Variants in ARHGAP24 observed in about 807,000 individuals in gnomAD.
ARHGAP24 encodes the protein rho GTPase-activating protein 24.
A neutral mutation model predicts 76.4 loss-of-function variants in ARHGAP24; 50 were observed. The observed-to-expected ratio is 0.65, with a 90% CI of 0.52 to 0.83. The LOEUF (loss-of-function observed/expected upper bound fraction) is 0.83. ARHGAP24 is among the 40% of genes least tolerant of loss of function. ARHGAP24 has a pLI of 0.00. For synonymous variants in ARHGAP24, 345 were observed against 323.3 expected, an observed-to-expected ratio of 1.07 and a Z score of -0.72; for missense variants, 930 against 914.2, an observed-to-expected ratio of 1.02 and a Z score of -0.22.
intron 2 of ARHGAP24, among the ~76,000 whole-genome samples, chr4:85,666,381 A>G (rs1003077909): frequency 6.6e-6 from 1 of 152,108 alleles, no homozygotes; most frequent in Non-Finnish European, 1.5e-5. Flanking sequence ...TGGTTATTCT[A>G]GTTATACATT....
intron 1 of ARHGAP24, among the ~76,000 whole-genome samples, chr4:85,516,215 C>G (rs72654065): frequency 0.083 from 12,584 of 152,234 alleles, 607 homozygotes; most frequent in Middle Eastern, 0.11. Flanking sequence ...AGGAAGGTCT[C>G]TTATCCAGAT....
chr4:85,885,513 G>C (rs535778877), intron 3 of ARHGAP24, among the ~76,000 whole-genome samples: 1 of 151,972 alleles, frequency 6.6e-6, no homozygotes, highest in Non-Finnish European at 1.5e-5. Context: ...CTTCAAGGTC[G>C]TCTTTTTGAA....
intron 1 of ARHGAP24, among the ~76,000 whole-genome samples, chr4:85,479,458 C>G (rs1017785778): frequency 2.0e-5 from 3 of 152,108 alleles, no homozygotes; most frequent in Admixed American, 2.0e-4. Context: ...GCTGTGAAGA[C>G]TAATAATGAA....
chr4:85,577,972 TA>T (rs1727453977), intron 2 of ARHGAP24, among the ~76,000 whole-genome samples: 1 of 152,208 alleles, frequency 6.6e-6, no homozygotes, highest in South Asian at 2.1e-4. Context: ...GCAAGTTTGT[TA>T]AGAGTCCAGA....
chr4:85,624,175 G>A (rs1720832611), intron 2 of ARHGAP24, among the ~76,000 whole-genome samples: 1 of 152,132 alleles, frequency 6.6e-6, no homozygotes, highest in South Asian at 2.1e-4. Flanking sequence ...CGTTTTCAAA[G>A]GAATGCTTCC....
intron 3 of ARHGAP24, among the ~76,000 whole-genome samples, chr4:85,794,786 A>G (rs1728277941): frequency 6.6e-6 from 1 of 152,132 alleles, no homozygotes; most frequent in Non-Finnish European, 1.5e-5. Context: ...CGACCTGCAA[A>G]TCCTTTTATT....
At chr4:85,692,741 G>A (rs1481359427) in intron 2 of ARHGAP24, among the ~76,000 whole-genome samples, 2 of 152,114 alleles carry the variant, frequency 1.3e-5, no homozygotes, top group African/African-American at 4.8e-5. Flanking sequence ...TTGTTGGATT[G>A]GTTTTCAACT....
intron 2 of ARHGAP24, among the ~76,000 whole-genome samples, chr4:85,605,688 T>C (rs1342329280): frequency 6.6e-6 from 1 of 152,222 alleles, no homozygotes; most frequent in Non-Finnish European, 1.5e-5. Context: ...AAATATATTA[T>C]ACACGTGTAT....
In ARHGAP24 at chr4:85,594,739, C is replaced by T. The variant is rs542888671; in HGVS notation, c.180+24018C>T. Among the ~76,000 whole-genome samples, 20 of 152,030 alleles carry T rather than the reference C, an allele frequency of 1.3e-4. No homozygotes were observed. The South Asian group carries it at 4.2e-3, about 32-fold the overall frequency. On this transcript the variant is annotated intron_variant, in intron 2 of 9. Transcript: ENST00000395184. ...GTGGCACAAGGAGTCTTTTGTAGCCCCATAAAAATCACCTACATTATTTTG... is the reference window on the plus strand; with the variant it reads ...GTGGCACAAGGAGTCTTTTGTAGCCTCATAAAAATCACCTACATTATTTTG...
chr4:85,674,413 T>C (rs2110004292), intron 2 of ARHGAP24, among the ~76,000 whole-genome samples: 1 of 152,356 alleles, frequency 6.6e-6, no homozygotes, highest in South Asian at 2.1e-4. Flanking sequence ...TTATATGAAT[T>C]GTTTTATTAT....
chr4:85,967,521 C>T (rs1738692287), intron 5 of ARHGAP24, among the ~76,000 whole-genome samples: 3 of 152,062 alleles, frequency 2.0e-5, no homozygotes, highest in Admixed American at 2.0e-4. Flanking sequence ...GGAGGAAACA[C>T]GATTCAGACG....
rs774717006 is a variant in ARHGAP24 at position 85,743,392 on chromosome 4, C to CAA, written c.268+21460_268+21461dup. 1.8e-4 allele frequency among the ~76,000 whole-genome samples: 8 copies of CAA among 43,374 alleles called. 2 individuals are homozygous for CAA. The highest frequency in any genetic ancestry group is 6.8e-4 in the African/African-American group (8 of 11,780). 28.5% of individuals were successfully genotyped at this position (43,374 alleles called of 152,430 possible). On this transcript the variant is annotated intron_variant, in intron 3 of 9. Coordinates refer to ENST00000395184, the MANE Select transcript of ARHGAP24 (RefSeq NM_001025616.3). The stretch of plus-strand genomic sequence containing the variant: ...AAGACGCCAAGGCGGGATCCCATCT[C>CAA]AAAAAAAAAAAAAAAAAAAAAAAAA...
intron 2 of ARHGAP24, among the ~76,000 whole-genome samples, chr4:85,696,183 AT>A (rs35838091): frequency 0.97 from 146,455 of 150,974 alleles, 71,198 homozygotes; most frequent in East Asian, 1. Flanking sequence ...CTAAAATTAA[AT>A]TACATATTGA....
intron 3 of ARHGAP24, among the ~76,000 whole-genome samples, chr4:85,898,838 G>A (rs187511116): frequency 2.5e-4 from 38 of 152,072 alleles, no homozygotes; most frequent in East Asian, 3.9e-4. Flanking sequence ...TCCGCCTCCC[G>A]GTTCAAGTGA....
intron 2 of ARHGAP24, among the ~76,000 whole-genome samples, chr4:85,656,891 G>A (rs1275967451): frequency 6.6e-6 from 1 of 152,120 alleles, no homozygotes; most frequent in Non-Finnish European, 1.5e-5. Context: ...TAACAGTGTT[G>A]TTTAACTTCG....
chr4:85,852,157 C>T (rs1731271052), intron 3 of ARHGAP24, among the ~76,000 whole-genome samples: 1 of 152,108 alleles, frequency 6.6e-6, no homozygotes, highest in African/African-American at 2.4e-5. Flanking sequence ...TCATTTTACT[C>T]TTTTTCTCTA....
chr4:85,615,942 CT>C (rs1720526299), intron 2 of ARHGAP24, among the ~76,000 whole-genome samples: 1 of 152,086 alleles, frequency 6.6e-6, no homozygotes, highest in South Asian at 2.1e-4. Flanking sequence ...AGTATTGTGT[CT>C]ATTCTAAGAC....
intron 2 of ARHGAP24, among the ~76,000 whole-genome samples, chr4:85,688,789 C>T (rs1723524432): frequency 6.6e-6 from 1 of 152,072 alleles, no homozygotes; most frequent in African/African-American, 2.4e-5. Flanking sequence ...CAGTCTTCTA[C>T]ATATGGTTAG....
intron 3 of ARHGAP24, among the ~76,000 whole-genome samples, chr4:85,919,621 T>C (rs1218451005): frequency 1.3e-5 from 2 of 152,078 alleles, no homozygotes; most frequent in African/African-American, 4.8e-5. Flanking sequence ...AGATTCAGGG[T>C]CAGACACGCA....
Sources: allele counts gnomAD v4.1 joint callset (sites outside exome capture counted in the v4.1 genomes callset), GRCh38; gene constraint gnomAD v4.1.1; transcripts MANE v1.5; gene names NCBI Gene and HGNC (gene_info 2026-07-23, HGNC 2026-07-21).